Variants in THBS4 observed in about 807,000 individuals in gnomAD.
THBS4 encodes thrombospondin 4, also known as thrombospondin-4.
THBS4 carries 90 observed loss-of-function variants against 115.7 expected under a neutral mutation model. The ratio of observed to expected loss-of-function variants is 0.78; its 90% CI spans 0.66 to 0.93. The LOEUF is 0.93. Among genes scored for constraint, THBS4 ranks in the 40% least tolerant of loss-of-function variants. The probability of loss-of-function intolerance (pLI) is 0.00; values close to 1 mark genes in which losing one functional copy is unlikely to be tolerated. For missense variants in THBS4, 1,087 were observed against 1,232.7 expected, an observed-to-expected ratio of 0.88 and a Z score of 1.77; for synonymous variants, 460 against 479.3, an observed-to-expected ratio of 0.96 and a Z score of 0.53.
intron 2 of THBS4, among the ~76,000 whole-genome samples, chr5:80,023,593 A>G (rs925159938): frequency 2.6e-5 from 4 of 152,242 alleles, no homozygotes; most frequent in African/African-American, 9.6e-5. Context: ...AAATGGAAAC[A>G]TCTGAACTCC....
intron 2 of THBS4, among the ~76,000 whole-genome samples, chr5:80,052,072 G>T (rs1833274723): frequency 6.6e-6 from 1 of 152,136 alleles, no homozygotes; most frequent in Non-Finnish European, 1.5e-5. Context: ...ATTCAAGTTT[G>T]GTGGTCCAAG....
intron 20 of THBS4, 35 bp from the exon 21 acceptor site, chr5:80,082,371 T>G (rs764057850): frequency 6.8e-6 from 11 of 1,609,514 alleles, no homozygotes; most frequent in African/African-American, 1.3e-5. Flanking sequence ...CCGGGTTGGA[T>G]TTCATGGAGG....
chr5:80,016,278 G>T (rs755931420), intron 2 of THBS4, among the ~76,000 whole-genome samples: 28 of 152,286 alleles, frequency 1.8e-4, no homozygotes, highest in Middle Eastern at 6.8e-3. Flanking sequence ...GATTATATGT[G>T]CTCAGCTGGC....
intron 1 of THBS4, among the ~76,000 whole-genome samples, chr5:79,995,385 A>G (rs1831771255): frequency 6.6e-6 from 1 of 152,204 alleles, no homozygotes; most frequent in Non-Finnish European, 1.5e-5. Flanking sequence ...CATTTTTGAT[A>G]GAGGAGGTTG....
chr5:80,073,414 C>G, intron 15 of THBS4, 87 bp downstream of exon 15: 5 of 1,186,498 alleles, frequency 4.2e-6, no homozygotes, highest in Non-Finnish European at 6.1e-6. Flanking sequence ...GGCGGAGTCT[C>G]ACTCTATCAC....
intron 2 of THBS4, among the ~76,000 whole-genome samples, chr5:80,047,015 G>A (rs1833089173): frequency 6.6e-6 from 1 of 152,180 alleles, no homozygotes; most frequent in African/African-American, 2.4e-5. Flanking sequence ...GGAGTGAAAA[G>A]CAAATTGCAG....
intron 1 of THBS4, among the ~76,000 whole-genome samples, chr5:79,996,178 CA>C (rs1243124765): frequency 3.3e-5 from 5 of 151,998 alleles, no homozygotes; most frequent in African/African-American, 9.6e-5. Context: ...GAGACTATAT[CA>C]GGGGTTAATA....
In THBS4 at chr5:80,073,260, C is replaced by A; in HGVS notation, c.1840-15C>A. On this transcript the variant is annotated splice_polypyrimidine_tract_variant and intron_variant, in intron 14 of 21. Transcript: ENST00000350881. ...CAGGCCCAGGAATAAATAACATGTG[C>A]TGTTCTCTTTGCAGTCTGATGTGGA... 1 of 1,613,678 alleles carries A rather than the reference C, an allele frequency of 6.2e-7. No individual in the cohort carries two copies. The highest frequency in any genetic ancestry group is 8.5e-7 in the Non-Finnish European group (1 of 1,179,668).
chr5:80,082,726 T>C (rs1344293092), intron 21 of THBS4, among the ~76,000 whole-genome samples, 181 bp downstream of exon 21: 1 of 152,232 alleles, frequency 6.6e-6, no homozygotes, highest in Non-Finnish European at 1.5e-5. Flanking sequence ...ATTTTATCCA[T>C]GTGGAAATTA....
chr5:80,068,269 G>A, intron 10 of THBS4, 144 bp downstream of exon 10: 3 of 1,037,688 alleles, frequency 2.9e-6, no homozygotes, highest in Non-Finnish European at 4.1e-6. Flanking sequence ...ATAGGAACAG[G>A]GTCCACCGAG....
chr5:80,013,171 G>T (rs1055248641), intron 2 of THBS4, among the ~76,000 whole-genome samples: 1 of 152,084 alleles, frequency 6.6e-6, no homozygotes, highest in Admixed American at 6.6e-5. Context: ...ACAGAGTCTC[G>T]CTCTGTCACC....
chr5:80,044,923 G>A (rs1246396424), intron 2 of THBS4, among the ~76,000 whole-genome samples: 1 of 152,062 alleles, frequency 6.6e-6, no homozygotes, highest in Non-Finnish European at 1.5e-5. Context: ...CTAGTATCTG[G>A]CGTAAAGACA....
At chr5:80,037,658 A>G (rs1391820066) in intron 1 of THBS4, among the ~76,000 whole-genome samples, 1 of 152,230 alleles carries the variant, frequency 6.6e-6, no homozygotes, top group South Asian at 2.1e-4. Context: ...AGCTTGAGTT[A>G]CATCATGAAC....
At chr5:80,043,797 A>G (rs1198452038) in intron 2 of THBS4, among the ~76,000 whole-genome samples, 1 of 152,188 alleles carries the variant, frequency 6.6e-6, no homozygotes, top group Non-Finnish European at 1.5e-5. Flanking sequence ...CACAAACATA[A>G]TTTGGATCAA....
At position 80,079,921 on chromosome 5, in the gene THBS4, C is replaced by T; in HGVS notation, c.2528C>T (p.Thr843Ile). The change falls in exon 20 of 22, where the codon ACA becomes ATA. Residue 843 changes from threonine to isoleucine, a missense_variant. Physicochemically the swap from Thr to Ile is moderately conservative, Grantham distance 89. Coordinates refer to ENST00000350881, the MANE Select transcript of THBS4 (RefSeq NM_003248.6). Reference protein sequence around the residue: ...GIQLKAVKSKTGPGEHLRNSL... With the variant: ...GIQLKAVKSKIGPGEHLRNSL... ...ATCATGCAGGCTGTGAAGTCTAAGA[C>T]AGGTCCAGGGGAGCATCTCCGGAAC... The T allele has an allele frequency of 6.2e-7, 1 of 1,614,108 alleles. No homozygotes were observed. The highest frequency in any genetic ancestry group is 8.5e-7 in the Non-Finnish European group (1 of 1,179,986).
chr5:80,077,021 C>T lies in THBS4; in HGVS notation c.2059C>T (p.Pro687Ser). ...TGGACCAGACAACTGCCGGCTGGTC[C>T]CCAACCCAGCCCAGGAGGATAGCAA... The part of the protein sequence containing the change: ...PPGPDNCRLV[P>S]NPAQEDSNSD... Residue 687 changes from proline (P) to serine (S), a missense_variant, in exon 16 of 22, where the codon CCC becomes TCC. Around this residue, in one of 3 missense-constraint regions of THBS4, gnomAD observed 979 missense variants for 1,103.7 expected, o/e 0.89. Transcript: ENST00000350881. The T allele has an allele frequency of 6.2e-7, 1 of 1,608,964 alleles. No homozygotes were observed. Among genetic ancestry groups the T allele is most frequent in the Non-Finnish European group, 8.5e-7 (1 of 1,177,240 alleles).
intron 2 of THBS4, among the ~76,000 whole-genome samples, chr5:80,009,775 T>G (rs2151153754): frequency 6.6e-6 from 1 of 152,342 alleles, no homozygotes; most frequent in South Asian, 2.1e-4. Context: ...AAAAAAATTC[T>G]TTTGAATCAT....
intron 2 of THBS4, among the ~76,000 whole-genome samples, chr5:80,017,967 G>A (rs1001816648): frequency 1.3e-5 from 2 of 151,938 alleles, no homozygotes; most frequent in Non-Finnish European, 2.9e-5. Context: ...CCTTTGTGGT[G>A]ATTTGTTATC....
chr5:80,057,064 T>C (rs936109419), intron 3 of THBS4, among the ~76,000 whole-genome samples: 4 of 152,174 alleles, frequency 2.6e-5, no homozygotes, highest in African/African-American at 9.7e-5. Context: ...GGGATTTTTG[T>C]TTTTCAGTCA....
Sources: allele counts gnomAD v4.1 joint callset (sites outside exome capture counted in the v4.1 genomes callset), GRCh38; gene constraint gnomAD v4.1.1; regional missense constraint gnomAD v4.1.1; transcripts MANE v1.5; gene names NCBI Gene and HGNC (gene_info 2026-07-23, HGNC 2026-07-21).